Variants in HM13 observed in about 807,000 individuals in gnomAD.
HM13 encodes histocompatibility minor 13, also known as signal peptide peptidase.
A neutral mutation model predicts 50.0 loss-of-function variants in HM13; 18 were observed. The observed-to-expected ratio is 0.36, with a 90% CI of 0.25 to 0.53. The LOEUF (loss-of-function observed/expected upper bound fraction) is 0.53. Among genes scored for constraint, HM13 ranks in the 20% least tolerant of loss-of-function variants. The pLI is 0.90. For missense variants in HM13, 393 were observed against 552.4 expected (o/e 0.71, Z 2.89); for synonymous variants, 197 against 232.6 (o/e 0.85, Z 1.39).
rs759555954 is a variant in HM13, at chr20:31,569,268, T to C, written c.*49T>C. On this transcript the variant is annotated 3_prime_UTR_variant, in exon 13 of 13. Coordinates refer to ENST00000398174, the MANE Select transcript of HM13 (RefSeq NM_178581.3). ...AGGGCCAGACCAGACAGATGGGGGC[T>C]GGGCCCACACAGGCGTGCACCGGTA... The C allele has an allele frequency of 4.5e-6, 6 of 1,325,314 alleles. No homozygotes were observed. The highest frequency in any genetic ancestry group is 2.0e-5 in the Admixed American group (1 of 51,280). The allele number at this position is 1,325,314 out of a possible 1,614,324, so 82.1% of individuals were successfully genotyped here.
intron 7 of HM13, among the ~76,000 whole-genome samples, chr20:31,552,437 ACACTGCCCCGTAGGC>A (rs1984081087): frequency 6.6e-6 from 1 of 152,156 alleles, no homozygotes; most frequent in African/African-American, 2.4e-5. Flanking sequence ...AGGAGCTTGG[ACACTGCCCCGTAGGC>A]CACTGGAAGA....
rs543417587 is a variant in HM13, at chr20:31,537,668, T to C, written c.283-511T>C. Among the ~76,000 whole-genome samples the C allele has an allele frequency of 3.3e-5, 5 of 152,330 alleles. No individual in the cohort carries two copies. In the East Asian group the frequency reaches 9.6e-4, roughly 29 times the overall value. On this transcript the variant is annotated intron_variant, in intron 2 of 12. Coordinates refer to ENST00000398174, the MANE Select transcript of HM13 (RefSeq NM_178581.3). ...GAAGCAGCTGTCAGGGATGCTGTCA[T>C]AGCTTCAGCCATCACTGCAGGAGGA...
chr20:31,538,663 T>C, intron 3 of HM13: 3 of 1,124,612 alleles, frequency 2.7e-6, no homozygotes, highest in Non-Finnish European at 3.3e-6. Flanking sequence ...AGAGGCAGCA[T>C]AGTGAAAAGT....
chr20:31,530,440 T>C (rs1982748055), intron 2 of HM13, among the ~76,000 whole-genome samples: 1 of 151,706 alleles, frequency 6.6e-6, no homozygotes, highest in Non-Finnish European at 1.5e-5. Context: ...GACAGAGTCT[T>C]TCTCTGTCGC....
At chr20:31,558,326 CAG>C (rs533935787) in intron 8 of HM13, among the ~76,000 whole-genome samples, 79 of 152,250 alleles carry the variant, frequency 5.2e-4, no homozygotes, top group South Asian at 3.3e-3. Flanking sequence ...CGCACTGCCA[CAG>C]GGGCCTTTTT....
At chr20:31,564,048 C>T (rs1984759010) in intron 10 of HM13, 1 of 151,360 alleles carries the variant, frequency 6.6e-6, no homozygotes. Context: ...GCACTCCAGC[C>T]TGGGCAACAA....
intron 3 of HM13, 150 bp downstream of exon 3, chr20:31,538,411 G>C: frequency 6.7e-7 from 1 of 1,499,026 alleles, no homozygotes; most frequent in Non-Finnish European, 9.0e-7. Context: ...GCACACTGTA[G>C]ATGACTAGGA....
chr20:31,525,408 G>A (rs1343458213), intron 1 of HM13, among the ~76,000 whole-genome samples: 2 of 152,142 alleles, frequency 1.3e-5, no homozygotes, highest in Non-Finnish European at 2.9e-5. Flanking sequence ...CAAAATATTT[G>A]TGAGTCTCCA....
chr20:31,544,357 G>A (rs967409589), intron 3 of HM13, among the ~76,000 whole-genome samples: 14 of 152,244 alleles, frequency 9.2e-5, no homozygotes, highest in Admixed American at 8.5e-4. Context: ...ACGAGGCCAA[G>A]CTGGTCTTAA....
chr20:31,519,222 C>T (rs1981999748), intron 1 of HM13, among the ~76,000 whole-genome samples: 1 of 152,206 alleles, frequency 6.6e-6, no homozygotes, highest in African/African-American at 2.4e-5. Context: ...CTGCCTCAGC[C>T]TCCCGAGTAG....
chr20:31,527,365 C>A, intron 1 of HM13, 119 bp from the exon 2 acceptor site: 2 of 659,778 alleles, frequency 3.0e-6, no homozygotes, highest in East Asian at 2.9e-5. Flanking sequence ...AAGATCAGAG[C>A]ATCTTGCCCC....
At chr20:31,541,801 T>C (rs1478852852) in intron 3 of HM13, 2 of 152,246 alleles carry the variant, frequency 1.3e-5, no homozygotes, top group African/African-American at 2.4e-5. Flanking sequence ...CAGCTGCCTG[T>C]ATCCACAAAC....
chr20:31,545,253 T>C (rs528232991), intron 4 of HM13, among the ~76,000 whole-genome samples: 2 of 152,304 alleles, frequency 1.3e-5, no homozygotes, highest in East Asian at 3.9e-4. Context: ...TGTTTTTGTT[T>C]TTTTTCCCAT....
chr20:31,543,975 G>T (rs1216133475), intron 3 of HM13, among the ~76,000 whole-genome samples: 1 of 151,942 alleles, frequency 6.6e-6, no homozygotes, highest in African/African-American at 2.4e-5. Flanking sequence ...TTATCACTGT[G>T]ACCTGGGTAC....
chr20:31,519,891 G>A lies in HM13; in HGVS notation c.183+5157G>A, dbSNP rs568911494. 7.6e-5 allele frequency among the ~76,000 whole-genome samples: 11 copies of A among 143,984 alleles called. No homozygotes were observed. In the Admixed American group the frequency reaches 8.0e-4, roughly 11 times the overall value. The allele number at this position is 143,984 out of a possible 152,430, so 94.5% of individuals were successfully genotyped here. ...ACAGTCTCGCTCTGTTGCCCAGGCT[G>A]AGTGTGAGTGCGGTGGTGCCATCTC... is the stretch of plus-strand genomic sequence containing the variant. On this transcript the variant is annotated intron_variant, in intron 1 of 12. Coordinates refer to ENST00000398174, the MANE Select transcript of HM13 (RefSeq NM_178581.3).
chr20:31,552,941 C>A (rs1439225732), intron 7 of HM13, among the ~76,000 whole-genome samples: 2 of 151,938 alleles, frequency 1.3e-5, no homozygotes, highest in East Asian at 3.9e-4. Context: ...CACCACTGCA[C>A]TCCAGCCTGG....
At chr20:31,545,070 T>C (rs1983636378) in intron 4 of HM13, 35 bp downstream of exon 4, 2 of 1,521,206 alleles carry the variant, frequency 1.3e-6, no homozygotes, top group African/African-American at 1.4e-5. Flanking sequence ...TAGTGTGCCT[T>C]GGGTGTCTTC....
At chr20:31,523,754 C>G (rs1283803591) in intron 1 of HM13, among the ~76,000 whole-genome samples, 5 of 152,196 alleles carry the variant, frequency 3.3e-5, no homozygotes, top group Non-Finnish European at 5.9e-5. Flanking sequence ...CCAAGTCCCA[C>G]AGCACACTGC....
chr20:31,553,676 A>G (rs1198531048), intron 7 of HM13, among the ~76,000 whole-genome samples: 1 of 152,068 alleles, frequency 6.6e-6, no homozygotes, highest in African/African-American at 2.4e-5. Flanking sequence ...AAATCCAGTT[A>G]TAACCTCCTT....
Sources: gnomAD v4.1 joint callset for allele counts (sites outside exome capture counted in the v4.1 genomes callset) on GRCh38, gnomAD v4.1.1 for gene constraint, MANE v1.5 for transcripts, NCBI Gene and HGNC (gene_info 2026-07-23, HGNC 2026-07-21) for gene names.